SDK1: variants seen among roughly 807,000 people sequenced by gnomAD.
SDK1 encodes the protein protein sidekick-1.
In SDK1, 157 loss-of-function variants were observed where a neutral mutation model predicts 245.5. The ratio of observed to expected loss-of-function variants is 0.64; its 90% confidence interval spans 0.56 to 0.73. SDK1 has a LOEUF of 0.73. Ranked by LOEUF, SDK1 falls within the 30% of genes least tolerant of loss-of-function variation. The pLI, the probability that SDK1 is intolerant of heterozygous loss-of-function variation, is 0.00. For missense variants in SDK1, 3,583 were observed against 3,002.3 expected (o/e 1.19, Z -4.52); for synonymous variants, 1,647 against 1,278.5 (o/e 1.29, Z -6.15).
chr7:3,610,230 G>C (rs200126324), intron 1 of SDK1, among the ~76,000 whole-genome samples: 5 of 152,236 alleles, frequency 3.3e-5, no homozygotes, highest in African/African-American at 9.6e-5. Flanking sequence ...GTACATATTT[G>C]CCGTAAACTC....
chr7:3,542,411 G>A (rs1396038786), intron 1 of SDK1, among the ~76,000 whole-genome samples: 7 of 152,158 alleles, frequency 4.6e-5, no homozygotes, highest in African/African-American at 1.7e-4. Context: ...CACCTGCATA[G>A]CTGGTGTGGC....
intron 4 of SDK1, among the ~76,000 whole-genome samples, chr7:3,792,932 G>C (rs1326055355): frequency 6.6e-6 from 1 of 152,172 alleles, no homozygotes; most frequent in Non-Finnish European, 1.5e-5. Context: ...ATTCAGTTCT[G>C]CTTTGGAACA....
chr7:4,107,880 G>T (rs546783902), intron 22 of SDK1, among the ~76,000 whole-genome samples: 1 of 152,160 alleles, frequency 6.6e-6, no homozygotes, highest in Non-Finnish European at 1.5e-5. Context: ...GAGCTGTGCC[G>T]ATGTGTGACA....
intron 5 of SDK1, among the ~76,000 whole-genome samples, chr7:3,864,656 GC>G (rs1780777828): frequency 6.6e-6 from 1 of 152,150 alleles, no homozygotes; most frequent in Non-Finnish European, 1.5e-5. Context: ...GTCTCAGACA[GC>G]CCTGGGGATG....
Position 4,118,883 on chromosome 7 carries a change from G to A in SDK1, c.3823+4609G>A, listed in dbSNP as rs977725476. Among the ~76,000 whole-genome samples the A allele has an allele frequency of 1.3e-5, 2 of 148,682 alleles. 1 individual carries two copies. Among genetic ancestry groups the A allele is most frequent in the Admixed American group, 1.3e-4 (2 of 14,972 alleles). ...GAAACATCTAGAATAGGCAAATCTA[G>A]AGAGGCAGAAAGTAAATTCATGGTT... is the stretch of plus-strand genomic sequence containing the variant. On this transcript the variant is annotated intron_variant, in intron 25 of 44. Coordinates refer to ENST00000404826, the MANE Select transcript of SDK1 (RefSeq NM_152744.4).
intron 1 of SDK1, among the ~76,000 whole-genome samples, chr7:3,477,882 C>G (rs1781396241): frequency 6.6e-6 from 1 of 152,114 alleles, no homozygotes; most frequent in Non-Finnish European, 1.5e-5. Context: ...TGTATTTCCT[C>G]TTACTGATTT....
At chr7:3,587,281 A>G (rs1780721384) in intron 1 of SDK1, among the ~76,000 whole-genome samples, 1 of 149,108 alleles carries the variant, frequency 6.7e-6, no homozygotes, top group Non-Finnish European at 1.5e-5. Flanking sequence ...ATTAGTCAAG[A>G]TTCTCCAGAG....
At chr7:3,987,351 G>A (rs373343668) in intron 14 of SDK1, 29 bp downstream of exon 14, 4 of 1,610,680 alleles carry the variant, frequency 2.5e-6, no homozygotes, top group African/African-American at 1.3e-5. Context: ...CTGTCACCAT[G>A]GACGATAATC....
At chr7:3,339,116 T>G (rs765706012) in intron 1 of SDK1, among the ~76,000 whole-genome samples, 2 of 152,058 alleles carry the variant, frequency 1.3e-5, no homozygotes, top group Non-Finnish European at 2.9e-5. Flanking sequence ...GAAAAAGATA[T>G]GCCATACAAA....
chr7:4,078,149 C>G (rs905127049), intron 21 of SDK1, among the ~76,000 whole-genome samples: 5 of 152,118 alleles, frequency 3.3e-5, no homozygotes, highest in Non-Finnish European at 7.4e-5. Flanking sequence ...CCCCTGATAA[C>G]CAAGGTGCAG....
intron 28 of SDK1, among the ~76,000 whole-genome samples, chr7:4,137,743 C>T (rs1238323155): frequency 3.3e-5 from 5 of 152,278 alleles, no homozygotes; most frequent in Admixed American, 6.5e-5. Context: ...CTCCCTCGCA[C>T]ACGCCGCCGT....
intron 5 of SDK1, among the ~76,000 whole-genome samples, chr7:3,855,005 G>A (rs1273184856): frequency 6.6e-6 from 1 of 152,152 alleles, no homozygotes; most frequent in Non-Finnish European, 1.5e-5. Flanking sequence ...TCCAGACCCT[G>A]TACGTCCTAA....
intron 4 of SDK1, among the ~76,000 whole-genome samples, chr7:3,655,443 AAACAAATATATATATAT>A (rs1428970100): frequency 1.7e-5 from 2 of 119,082 alleles, no homozygotes; most frequent in Admixed American, 9.3e-5. Flanking sequence ...AAACAAAACA[AAACAAATATATATATAT>A]ATATATATAT....
At chr7:3,670,928 ACAAG>A (rs2128662726) in intron 4 of SDK1, among the ~76,000 whole-genome samples, 1 of 152,340 alleles carries the variant, frequency 6.6e-6, no homozygotes, top group Admixed American at 6.5e-5. Context: ...TTTGATTCCT[ACAAG>A]GACAGGTCGT....
chr7:3,389,686 G>T (rs1170759605), intron 1 of SDK1, among the ~76,000 whole-genome samples: 1 of 152,166 alleles, frequency 6.6e-6, no homozygotes. Flanking sequence ...AATTGCTTGA[G>T]CCTGGGAGGT....
intron 4 of SDK1, among the ~76,000 whole-genome samples, chr7:3,719,536 A>G (rs1785303756): frequency 6.6e-6 from 1 of 152,212 alleles, no homozygotes; most frequent in African/African-American, 2.4e-5. Context: ...GAAGTGACTC[A>G]GTGAAGAAAA....
At chr7:3,555,574 A>C (rs1200080893) in intron 1 of SDK1, among the ~76,000 whole-genome samples, 2 of 152,188 alleles carry the variant, frequency 1.3e-5, no homozygotes, top group East Asian at 3.8e-4. Flanking sequence ...TGGACAAATG[A>C]GATCACATGA....
At chr7:3,350,242 C>T (rs1780622786) in intron 1 of SDK1, among the ~76,000 whole-genome samples, 1 of 152,114 alleles carries the variant, frequency 6.6e-6, no homozygotes, top group Non-Finnish European at 1.5e-5. Context: ...GAAGTTGTCA[C>T]TTAACAATGA....
chr7:3,848,805 G>A (rs1780346300), intron 5 of SDK1, among the ~76,000 whole-genome samples: 1 of 152,044 alleles, frequency 6.6e-6, no homozygotes, highest in Admixed American at 6.6e-5. Context: ...CCGAGTAGCT[G>A]GGATTACAGG....
Sources: gnomAD v4.1 joint callset for allele counts (sites outside exome capture counted in the v4.1 genomes callset) on GRCh38, gnomAD v4.1.1 for gene constraint, MANE v1.5 for transcripts, NCBI Gene and HGNC (gene_info 2026-07-23, HGNC 2026-07-21) for gene names.